VAC14: variants seen among roughly 807,000 people sequenced by gnomAD.
VAC14 encodes the protein VAC14 component of PIKFYVE complex.
In VAC14, 47 loss-of-function variants were observed where a neutral mutation model predicts 85.3. That is an observed-to-expected ratio of 0.55 (90% CI 0.44 to 0.70). The LOEUF (loss-of-function observed/expected upper bound fraction) is 0.70, where lower values mean the gene tolerates loss of function less well. Among genes scored for constraint, VAC14 ranks in the 30% least tolerant of loss-of-function variants. The probability of loss-of-function intolerance (pLI) is 0.00; values close to 1 mark genes in which losing one functional copy is unlikely to be tolerated. For synonymous variants in VAC14, 447 were observed against 430.5 expected, an observed-to-expected ratio of 1.04 and a Z score of -0.47; for missense variants, 861 against 1,004.3, an observed-to-expected ratio of 0.86 and a Z score of 1.93.
In VAC14 at chr16:70,762,516, G is replaced by A; in HGVS notation, c.1371+24C>T. 2 of 1,612,460 alleles carry A rather than the reference G, an allele frequency of 1.2e-6. No homozygotes were observed. The highest frequency in any genetic ancestry group is 2.7e-5 in the African/African-American group (2 of 75,032). On this transcript the variant is annotated intron_variant, in intron 12 of 18. Coordinates refer to ENST00000261776, the MANE Select transcript of VAC14 (RefSeq NM_018052.5). This position sits in a 1 kb window ranked among gnomAD's most constrained non-coding sequence, Gnocchi z 4.1. Reference sequence around the variant, plus strand: ...AGGCAGGGCAGCCGATGTTCCATAAGTACGGGTGGCGTTGGTGACCTACCT... The same window carrying A: ...AGGCAGGGCAGCCGATGTTCCATAAATACGGGTGGCGTTGGTGACCTACCT...
chr16:70,798,369 GATTA>G (rs1480768771), intron 1 of VAC14, among the ~76,000 whole-genome samples: 2 of 152,216 alleles, frequency 1.3e-5, no homozygotes, highest in Non-Finnish European at 2.9e-5. Flanking sequence ...ATTAATGAGA[GATTA>G]ATTAATAGTC....
intron 12 of VAC14, among the ~76,000 whole-genome samples, chr16:70,750,401 C>T (rs2031283801): frequency 6.6e-6 from 1 of 151,704 alleles, no homozygotes. Flanking sequence ...GACAAGAAAG[C>T]AATATTCTGC....
intron 3 of VAC14, 28 bp from the exon 4 acceptor site, chr16:70,784,866 C>T (rs764804278): frequency 5.6e-6 from 9 of 1,608,828 alleles, no homozygotes; most frequent in Non-Finnish European, 7.7e-6. Flanking sequence ...AGGGGAGGGA[C>T]ACAGAGGCGA....
At chr16:70,700,260 T>G (rs2053798205) in intron 14 of VAC14, 2 of 152,070 alleles carry the variant, frequency 1.3e-5, no homozygotes, top group African/African-American at 4.8e-5. Flanking sequence ...CTGCCCCGGC[T>G]GGAGCCTGCA....
chr16:70,746,988 T>C (rs1331057906), intron 12 of VAC14: 2 of 152,186 alleles, frequency 1.3e-5, no homozygotes, highest in Non-Finnish European at 2.9e-5. Context: ...CCTAGGCAGT[T>C]ACCAAGAGAA....
At position 70,695,591 on chromosome 16, in the gene VAC14, G is replaced by T. The variant is rs1390559903; in HGVS notation, c.1988C>A (p.Ala663Glu). The T allele has an allele frequency of 1.2e-6, 2 of 1,613,922 alleles. No homozygotes were observed. Among genetic ancestry groups the T allele is most frequent in the African/African-American group, 1.3e-5 (1 of 75,054 alleles). The change falls in exon 17 of 19, where the codon GCA (alanine) becomes GAA (glutamate). Residue 663 changes from alanine to glutamate, a missense_variant. Ala to Glu is a moderately radical substitution (Grantham distance 107, BLOSUM62 -1). Transcript: ENST00000261776. The stretch of plus-strand genomic sequence containing the variant: ...CAGCTGCACCAGCTTGTCCACCTCT[G>T]CGAGGAAGTCCACGGTGACCTCCAG... ...GDLEVTVDFL[A>E]EVDKLVQLIE...
chr16:70,761,018 T>TGTGTGTGTGTGTGTGTGCGC (rs1555523169), intron 12 of VAC14: 1 of 267,784 alleles, frequency 3.7e-6, no homozygotes, highest in African/African-American at 4.3e-5. Context: ...TGTGTGTGTG[T>TGTGTGTGTGTGTGTGTGCGC]GCATGGGGGG....
intron 13 of VAC14, among the ~76,000 whole-genome samples, chr16:70,736,230 G>C (rs1182007662): frequency 6.6e-6 from 1 of 152,208 alleles, no homozygotes; most frequent in Non-Finnish European, 1.5e-5. Flanking sequence ...CCTATTAAAT[G>C]AGATAAAAAC....
intron 14 of VAC14, among the ~76,000 whole-genome samples, chr16:70,730,995 C>A (rs983074483): frequency 6.6e-6 from 1 of 152,208 alleles, no homozygotes; most frequent in Non-Finnish European, 1.5e-5. Flanking sequence ...GGCAAAAGAC[C>A]AGCCCCAGCC....
intron 13 of VAC14, among the ~76,000 whole-genome samples, chr16:70,733,253 C>T (rs934323243): frequency 3.9e-5 from 6 of 152,136 alleles, no homozygotes; most frequent in Admixed American, 2.0e-4. Context: ...GCTTTTTTCA[C>T]TCAGCACGTT....
At position 70,688,043 on chromosome 16, in the gene VAC14, C is replaced by G. The variant is rs777902676; in HGVS notation, c.2234G>C (p.Ser745Thr). Reference sequence around the variant, plus strand: ...CTGCAGCAGCTCTGCGTAGTCGATGCTAGGGGAGTCAGCTTTCTGGGACTT... The same window carrying G: ...CTGCAGCAGCTCTGCGTAGTCGATGGTAGGGGAGTCAGCTTTCTGGGACTT... ...APKSQKADSP[S>T]IDYAELLQHF... Residue 745 changes from serine to threonine, a missense_variant, in exon 19 of 19, where the codon AGC becomes ACC. By Grantham distance (58) the Ser-to-Thr change is moderately conservative. Coordinates refer to ENST00000261776, the MANE Select transcript of VAC14 (RefSeq NM_018052.5). 1 of 1,600,084 alleles carries G rather than the reference C, an allele frequency of 6.2e-7. No homozygotes were observed. The highest frequency in any genetic ancestry group is 8.5e-7 in the Non-Finnish European group (1 of 1,171,534).
intron 14 of VAC14, among the ~76,000 whole-genome samples, chr16:70,723,007 G>T (rs2054333100): frequency 6.6e-6 from 1 of 152,122 alleles, no homozygotes; most frequent in Non-Finnish European, 1.5e-5. Flanking sequence ...CCTGAGGTCA[G>T]GAGTTTGAGA....
At chr16:70,766,372 C>A in intron 10 of VAC14, 1 of 412,140 alleles carries the variant, frequency 2.4e-6, no homozygotes, top group Non-Finnish European at 4.9e-6. Flanking sequence ...CAAAGAACGG[C>A]AGCATATCAC....
At chr16:70,763,452 G>A (rs1206890467) in intron 10 of VAC14, among the ~76,000 whole-genome samples, 4 of 152,170 alleles carry the variant, frequency 2.6e-5, no homozygotes, top group South Asian at 2.1e-4. Context: ...ACCCTTTCTT[G>A]GAAAAACAAA....
At chr16:70,796,353 C>G (rs931048167) in intron 1 of VAC14, among the ~76,000 whole-genome samples, 1 of 152,154 alleles carries the variant, frequency 6.6e-6, no homozygotes, top group African/African-American at 2.4e-5. Flanking sequence ...GTTTTAATGC[C>G]TCACTGGAAC....
intron 9 of VAC14, among the ~76,000 whole-genome samples, chr16:70,773,775 T>A (rs567177292): frequency 2.6e-4 from 39 of 152,226 alleles, no homozygotes; most frequent in South Asian, 8.3e-4. Flanking sequence ...TATTATTATT[T>A]TTTTTTGAGA....
chr16:70,763,639 TGAGAGTTAAGA>T lies in VAC14; in HGVS notation c.1161-625_1161-615del, dbSNP rs1489467338. ...ACATTTGGCCTAGGAGAGACACCCT[TGAGAGTTAAGA>T]CCAAAATGCGCTCCTTTGAGTTGGG... On this transcript the variant is annotated intron_variant, in intron 10 of 18. Coordinates refer to ENST00000261776, the MANE Select transcript of VAC14 (RefSeq NM_018052.5). Among the ~76,000 whole-genome samples the T allele has an allele frequency of 6.6e-5, 10 of 152,274 alleles. No individual in the cohort carries two copies. The East Asian group carries it at 1.7e-3, about 26-fold the overall frequency.
At chr16:70,746,190 G>A (rs768375836) in intron 12 of VAC14, among the ~76,000 whole-genome samples, 4 of 152,144 alleles carry the variant, frequency 2.6e-5, no homozygotes, top group Non-Finnish European at 4.4e-5. Flanking sequence ...AGCCCTGGCC[G>A]GGAACCCCTT....
intron 12 of VAC14, among the ~76,000 whole-genome samples, chr16:70,753,413 T>C (rs1308101192): frequency 2.0e-5 from 3 of 152,136 alleles, no homozygotes; most frequent in African/African-American, 7.2e-5. Flanking sequence ...GCCTTGGCCA[T>C]CTCCAGAGGA....
Sources: gnomAD v4.1 joint callset for allele counts (sites outside exome capture counted in the v4.1 genomes callset) on GRCh38, gnomAD v4.1.1 for gene constraint, Gnocchi (gnomAD v3.1) non-coding constraint, MANE v1.5 for transcripts, NCBI Gene and HGNC (gene_info 2026-07-23, HGNC 2026-07-21) for gene names.